The following RAET1G variants were observed in gnomAD, a reference collection of about 807,000 sequenced individuals.
RAET1G encodes retinoic acid early transcript 1G, also known as UL-16 binding protein 5.
A neutral mutation model predicts 29.5 loss-of-function variants in RAET1G; 25 were observed. That is an observed-to-expected ratio of 0.85 (90% CI 0.62 to 1.18). The LOEUF (loss-of-function observed/expected upper bound fraction) is 1.18, where lower values mean the gene tolerates loss of function less well. RAET1G is among the 50% of genes most tolerant of loss of function. The pLI is 0.00. For missense variants in RAET1G, 434 were observed against 423.6 expected, an observed-to-expected ratio of 1.02 and a Z score of -0.22; for synonymous variants, 167 against 159.5, an observed-to-expected ratio of 1.05 and a Z score of -0.36.
At position 149,922,979 on chromosome 6, in the gene RAET1G, A is replaced by T. The variant is rs762545579; in HGVS notation, c.32T>A (p.Leu11Gln). 3.1e-6 allele frequency: 5 copies of T among 1,606,108 alleles called. No homozygotes were observed. The South Asian group carries it at 3.4e-5, about 11-fold the overall frequency. MAAAASPAFLLRLPLLLLLSS... is the reference protein window; with the variant it reads MAAAASPAFLQRLPLLLLLSS... ...CAGCAGGAGCAGAAGCGGGAGGCGT[A>T]GAAGGAACGCGGGGCTGGCGGCCGC... The change falls in exon 1 of 5, where the codon CTA (leucine) becomes CAA (glutamine). Residue 11 changes from leucine (L) to glutamine (Q), a missense_variant. Coordinates refer to ENST00000367360, the MANE Select transcript of RAET1G (RefSeq NM_001001788.4).
chr6:149,920,204 G>T (rs1186206646), intron 1 of RAET1G, among the ~76,000 whole-genome samples: 1 of 152,130 alleles, frequency 6.6e-6, no homozygotes, highest in Non-Finnish European at 1.5e-5. Flanking sequence ...TGCACCTGAG[G>T]ATACTGGTGC....
In RAET1G at chr6:149,923,031, G is replaced by A. The variant is rs1267444088; in HGVS notation, c.-21C>T. ...GCCATTGGGGAGTTGGATCGCAGGG[G>A]ACAGCAGAAGCGAAGCCCAGCCCGT... On this transcript the variant is annotated 5_prime_UTR_variant, in exon 1 of 5. Coordinates refer to ENST00000367360, the MANE Select transcript of RAET1G (RefSeq NM_001001788.4). The A allele has an allele frequency of 1.3e-6, 2 of 1,566,220 alleles. No individual in the cohort carries two copies. The highest frequency in any genetic ancestry group is 1.7e-6 in the Non-Finnish European group (2 of 1,153,328).
chr6:149,922,517 TG>T (rs1778618570), intron 1 of RAET1G, among the ~76,000 whole-genome samples: 1 of 152,088 alleles, frequency 6.6e-6, no homozygotes, highest in South Asian at 2.1e-4. Context: ...CAGAGCAGGC[TG>T]GTGGCTGGTG....
rs998085899 is a variant in RAET1G at position 149,916,930 on chromosome 6, T to C, written c.987A>G (p.Leu329=). 1.3e-5 allele frequency: 20 copies of C among 1,543,654 alleles called. No homozygotes were observed. In the Admixed American group the frequency reaches 2.0e-4, roughly 15 times the overall value. ...NNGAARYSEP[L]QVSIS is the part of the protein sequence containing the mutation. The stretch of plus-strand genomic sequence containing the variant: ...GGAACCATCAAGATATGGAGACCTG[T>C]AGTGGCTCCGAATACCTGGCTGCGC... Residue 329 remains leucine, a synonymous_variant, in exon 5 of 5, where the codon CTA becomes CTG. Coordinates refer to ENST00000367360, the MANE Select transcript of RAET1G (RefSeq NM_001001788.4).
intron 3 of RAET1G, chr6:149,918,792 G>A (rs1000287400): frequency 5.8e-5 from 36 of 625,604 alleles, no homozygotes; most frequent in Middle Eastern, 8.2e-4. Context: ...CTGCAGTTTC[G>A]AGGCTGGTGA....
chr6:149,917,270 C>T (rs990754476), intron 4 of RAET1G, among the ~76,000 whole-genome samples, 196 bp from the exon 5 acceptor site: 3 of 152,232 alleles, frequency 2.0e-5, no homozygotes, highest in Admixed American at 6.5e-5. Flanking sequence ...CGGATGGCTG[C>T]GGGCAGGCTT....
At chr6:149,917,663 C>A (rs910870489) in intron 4 of RAET1G, among the ~76,000 whole-genome samples, 1 of 152,210 alleles carries the variant, frequency 6.6e-6, no homozygotes, top group Non-Finnish European at 1.5e-5. Context: ...TAAGTATTTT[C>A]TTTATTATAC....
intron 1 of RAET1G, 100 bp downstream of exon 1, chr6:149,922,826 C>G (rs1432215642): frequency 8.9e-6 from 7 of 787,924 alleles, no homozygotes; most frequent in Non-Finnish European, 7.9e-6. Context: ...CCGGGGTGAT[C>G]GCACGGGTCC....
At chr6:149,918,523 T>A (rs1270956386) in intron 3 of RAET1G, 139 bp from the exon 4 acceptor site, 2 of 1,017,506 alleles carry the variant, frequency 2.0e-6, no homozygotes, top group African/African-American at 3.2e-5. Context: ...CCTGGGAGAG[T>A]TCCTGGGGTA....
At chr6:149,921,570 A>G (rs750840048) in intron 1 of RAET1G, among the ~76,000 whole-genome samples, 7 of 152,204 alleles carry the variant, frequency 4.6e-5, no homozygotes, top group Non-Finnish European at 8.8e-5. Context: ...GGGAAGCTGC[A>G]CAAGCAGTTG....
chr6:149,922,910 C>A lies in RAET1G; in HGVS notation c.85+16G>T. 1.3e-6 allele frequency: 2 copies of A among 1,573,484 alleles called. No homozygotes were observed. The highest frequency in any genetic ancestry group is 2.3e-5 in the East Asian group (1 of 43,510). ...GGTTGGCCTCCGCCCCGCTTAGGCT[C>A]CATCCCCGAACTCACCGGCCAGCCC... On this transcript the variant is annotated intron_variant, in intron 1 of 4. Coordinates refer to ENST00000367360, the MANE Select transcript of RAET1G (RefSeq NM_001001788.4).
intron 1 of RAET1G, among the ~76,000 whole-genome samples, chr6:149,922,038 C>T (rs1778610037): frequency 6.6e-6 from 1 of 152,268 alleles, no homozygotes; most frequent in African/African-American, 2.4e-5. Context: ...AAAGGGTTTG[C>T]TGACCCCTGT....
chr6:149,921,028 C>T (rs761745724), intron 1 of RAET1G, among the ~76,000 whole-genome samples: 2 of 152,200 alleles, frequency 1.3e-5, no homozygotes, highest in South Asian at 2.1e-4. Flanking sequence ...CCTTTAACCC[C>T]GCAACAAGTG....
Position 149,918,303 on chromosome 6 carries a change from C to T in RAET1G, c.713G>A (p.Cys238Tyr). The T allele has an allele frequency of 6.2e-7, 1 of 1,613,874 alleles. No individual in the cohort carries two copies. The highest frequency in any genetic ancestry group is 1.1e-5 in the South Asian group (1 of 91,060). The change falls in exon 4 of 5, where the codon TGT (cysteine) becomes TAT (tyrosine). Residue 238 changes from cysteine (C) to tyrosine (Y), a missense_variant. Transcript: ENST00000367360. ...ACTGTGCCTGGAGCATATGAGGAGA[C>T]ACATGATGAGGAGGCAGCAAAGGAT... ...TLILCCLLIMCLLICSRHSLT... is the reference protein window; with the variant it reads ...TLILCCLLIMYLLICSRHSLT...
At position 149,922,987 on chromosome 6, in the gene RAET1G, C is replaced by G. The variant is rs1778630773; in HGVS notation, c.24G>C (p.Ala8=). The stretch of plus-strand genomic sequence containing the variant: ...GCAGAAGCGGGAGGCGTAGAAGGAA[C>G]GCGGGGCTGGCGGCCGCTGCCATTG... MAAAASP[A]FLLRLPLLLL... is the part of the protein sequence containing the mutation. The change falls in exon 1 of 5, where the codon GCG becomes GCC. Residue 8 remains alanine (A), a synonymous_variant. Transcript: ENST00000367360. The G allele has an allele frequency of 6.2e-7, 1 of 1,604,802 alleles. No homozygotes were observed. Among genetic ancestry groups the G allele is most frequent in the South Asian group, 1.1e-5 (1 of 88,860 alleles).
At position 149,919,343 on chromosome 6, in the gene RAET1G, G is replaced by T. The variant is rs556374018; in HGVS notation, c.350-19C>A. 1.2e-6 allele frequency: 2 copies of T among 1,609,016 alleles called. No homozygotes were observed. Among genetic ancestry groups the T allele is most frequent in the African/African-American group, 1.3e-5 (1 of 74,862 alleles). Reference sequence around the variant, plus strand: ...AGGGGTTCTGCCCCCATCAAAGAGAGATCAGCTCTGGCCTTGACAGATATT... The same window carrying T: ...AGGGGTTCTGCCCCCATCAAAGAGATATCAGCTCTGGCCTTGACAGATATT... On this transcript the variant is annotated intron_variant, in intron 2 of 4. Transcript: ENST00000367360.
chr6:149,919,751 C>T lies in RAET1G; in HGVS notation c.151G>A (p.Ala51Thr), dbSNP rs1165972492. ...PKFRPGPRWC[A>T]VQGQVDEKTF... ...TTTTCATCCACCTGGCCTTGAACCG[C>T]ACACCACCGTGGTCCAGGTCTGAAC... Residue 51 changes from alanine to threonine, a missense_variant, in exon 2 of 5, where the codon GCG (alanine) becomes ACG (threonine). Physicochemically the swap from Ala to Thr is moderately conservative, Grantham distance 58 (BLOSUM62 0). Coordinates refer to ENST00000367360, the MANE Select transcript of RAET1G (RefSeq NM_001001788.4). The T allele has an allele frequency of 3.1e-6, 5 of 1,612,822 alleles. No homozygotes were observed. Among genetic ancestry groups the T allele is most frequent in the East Asian group, 2.2e-5 (1 of 44,880 alleles).
rs1331901755 is a variant in RAET1G at position 149,919,872 on chromosome 6, C to T, written c.86-56G>A. 4 of 1,611,840 alleles carry T rather than the reference C, an allele frequency of 2.5e-6. No homozygotes were observed. The Admixed American group carries it at 5.0e-5, about 20-fold the overall frequency. ...GGGAGGAAAAGACCCCTAGATACCC[C>T]TCCTCCACACTGTGACAATAAGAGG... On this transcript the variant is annotated intron_variant, in intron 1 of 4. Coordinates refer to ENST00000367360, the MANE Select transcript of RAET1G (RefSeq NM_001001788.4).
Position 149,923,038 on chromosome 6 carries a change from G to A in RAET1G, c.-28C>T, listed in dbSNP as rs758907407. The A allele has an allele frequency of 1.9e-6, 3 of 1,543,826 alleles. No individual in the cohort carries two copies. Among genetic ancestry groups the A allele is most frequent in the Admixed American group, 1.9e-5 (1 of 52,298 alleles). Reference sequence around the variant, plus strand: ...GGGAGTTGGATCGCAGGGGACAGCAGAAGCGAAGCCCAGCCCGTGGATCAC... The same window carrying A: ...GGGAGTTGGATCGCAGGGGACAGCAAAAGCGAAGCCCAGCCCGTGGATCAC... On this transcript the variant is annotated 5_prime_UTR_variant, in exon 1 of 5. Coordinates refer to ENST00000367360, the MANE Select transcript of RAET1G (RefSeq NM_001001788.4).
Sources: allele counts gnomAD v4.1 joint callset (sites outside exome capture counted in the v4.1 genomes callset), GRCh38; gene constraint gnomAD v4.1.1; transcripts MANE v1.5; gene names NCBI Gene and HGNC (gene_info 2026-07-23, HGNC 2026-07-21).